The following GABRP variants were observed in gnomAD, a reference collection of about 807,000 sequenced individuals.
GABRP encodes the protein gamma-aminobutyric acid type A receptor subunit pi, also known as gamma-aminobutyric acid receptor subunit pi.
A neutral mutation model predicts 47.8 loss-of-function variants in GABRP; 52 were observed. That is an observed-to-expected ratio of 1.09 (90% CI 0.87 to 1.37). The LOEUF is 1.37. Among genes scored for constraint, GABRP ranks in the 40% most tolerant of loss-of-function variants. The pLI, the probability that GABRP is intolerant of heterozygous loss-of-function variation, is 0.00. For missense variants in GABRP, 525 were observed against 542.8 expected, an observed-to-expected ratio of 0.97 and a Z score of 0.33; for synonymous variants, 221 against 205.8, an observed-to-expected ratio of 1.07 and a Z score of -0.63.
intron 1 of GABRP, among the ~76,000 whole-genome samples, chr5:170,784,792 G>T (rs1016223769): frequency 6.6e-6 from 1 of 152,182 alleles, no homozygotes; most frequent in Non-Finnish European, 1.5e-5. Flanking sequence ...TAAATGACTC[G>T]GGTGTATCAG....
At chr5:170,795,483 G>A in intron 5 of GABRP, 58 bp downstream of exon 5, 1 of 1,389,430 alleles carries the variant, frequency 7.2e-7, no homozygotes, top group Non-Finnish European at 1.0e-6. Flanking sequence ...AAAACATGCA[G>A]ATGTGTCTTG....
rs192547178 is a variant in GABRP at position 170,807,007 on chromosome 5, G to A, written c.679+1154G>A. ...AGTGTCACCTAGGCTGGAGTGCAGT[G>A]GCGCAATCTCAGCTCACGGCAAAAT... On this transcript the variant is annotated intron_variant, in intron 7 of 9. Transcript: ENST00000265294. Among the ~76,000 whole-genome samples, 5 of 152,082 alleles carry A rather than the reference G, an allele frequency of 3.3e-5. 1 individual carries two copies. The East Asian group carries it at 9.7e-4, about 29-fold the overall frequency.
At chr5:170,798,585 A>G (rs1455676269) in intron 6 of GABRP, among the ~76,000 whole-genome samples, 2 of 152,026 alleles carry the variant, frequency 1.3e-5, no homozygotes, top group African/African-American at 2.4e-5. Flanking sequence ...GTGGTTCCAG[A>G]TGAGTTCTAT....
In GABRP at chr5:170,797,304, CTT is replaced by C. The variant is rs539670284; in HGVS notation, c.459-160_459-159del. Reference sequence around the variant, plus strand: ...TTTAACCAAGCCTCATGCACACATTCTTTAGCACCCAGAGCCTCAAGGATGCT... The same window carrying C: ...TTTAACCAAGCCTCATGCACACATTCTAGCACCCAGAGCCTCAAGGATGCT... On this transcript the variant is annotated intron_variant, in intron 5 of 9. Transcript: ENST00000265294. Among the ~76,000 whole-genome samples, 261 of 152,380 alleles carry C rather than the reference CTT, an allele frequency of 1.7e-3. 1 individual carries two copies. Among genetic ancestry groups the C allele is most frequent in the African/African-American group, 6.0e-3 (251 of 41,590 alleles).
chr5:170,788,721 G>A (rs896034550), intron 2 of GABRP, 53 bp downstream of exon 2: 8 of 1,560,472 alleles, frequency 5.1e-6, no homozygotes, highest in Non-Finnish European at 5.3e-6. Context: ...TTGCATTCGG[G>A]CATGTGGTGG....
intron 6 of GABRP, among the ~76,000 whole-genome samples, chr5:170,799,046 T>G (rs1023089904): frequency 2.6e-5 from 4 of 151,736 alleles, no homozygotes; most frequent in African/African-American, 7.3e-5. Context: ...TTTTTTGTCC[T>G]TGTGATAGTT....
upstream of GABRP, among the ~76,000 whole-genome samples, chr5:170,783,509 G>C (rs1765055208): frequency 1.3e-5 from 2 of 151,560 alleles, no homozygotes; most frequent in South Asian, 4.2e-4. Context: ...TTTTCTGGCA[G>C]AGGTCTGGGA....
intron 7 of GABRP, among the ~76,000 whole-genome samples, chr5:170,807,690 A>G (rs1765771801): frequency 6.6e-6 from 1 of 152,164 alleles, no homozygotes; most frequent in Admixed American, 6.5e-5. Context: ...GTAAAATAAT[A>G]AGTAATCTCT....
chr5:170,800,217 A>C (rs1012656965), intron 6 of GABRP, among the ~76,000 whole-genome samples: 1 of 152,214 alleles, frequency 6.6e-6, no homozygotes, highest in South Asian at 2.1e-4. Context: ...TCTTTGACAA[A>C]CCTGGCAAAA....
chr5:170,799,027 G>T, intron 6 of GABRP, among the ~76,000 whole-genome samples: 1 of 149,258 alleles, frequency 6.7e-6, no homozygotes, highest in East Asian at 2.0e-4. Flanking sequence ...GAGAACATGC[G>T]GTGTTTGGTT....
intron 6 of GABRP, among the ~76,000 whole-genome samples, chr5:170,799,974 A>G (rs1765544702): frequency 6.6e-6 from 1 of 152,232 alleles, no homozygotes. Flanking sequence ...CTTTCTTCAC[A>G]GAATTGGGAA....
chr5:170,783,751 C>T lies in GABRP; in HGVS notation c.-166C>T, dbSNP rs1029565552. Reference sequence around the variant, plus strand: ...CTCCATCTGAGGGTGGCTGCGTGTCCACATACGAGGGGACAGGGCTGAGGA... The same window carrying T: ...CTCCATCTGAGGGTGGCTGCGTGTCTACATACGAGGGGACAGGGCTGAGGA... On this transcript the variant is annotated 5_prime_UTR_variant, in exon 1 of 10. Transcript: ENST00000265294. 6.6e-6 allele frequency: 1 copy of T among 152,224 alleles called. No individual in the cohort carries two copies. The highest frequency in any genetic ancestry group is 6.5e-5 in the Admixed American group (1 of 15,284). 9.4% of individuals were successfully genotyped at this position (152,224 alleles called of 1,614,324 possible).
rs78320183 is a variant in GABRP at position 170,795,190 on chromosome 5, C to G, written c.241-18C>G. The stretch of plus-strand genomic sequence containing the variant: ...CCACTACCCCCATCCATTTCCATAC[C>G]CTGCCTCCCCCTCCCAGGACTACAC... On this transcript the variant is annotated intron_variant, in intron 4 of 9. Coordinates refer to ENST00000265294, the MANE Select transcript of GABRP (RefSeq NM_014211.3). 2.4e-5 allele frequency: 39 copies of G among 1,592,864 alleles called. No homozygotes were observed. The highest frequency in any genetic ancestry group is 3.3e-5 in the Non-Finnish European group (38 of 1,162,416).
At chr5:170,796,821 G>C (rs1765442230) in intron 5 of GABRP, among the ~76,000 whole-genome samples, 1 of 152,146 alleles carries the variant, frequency 6.6e-6, no homozygotes, top group Non-Finnish European at 1.5e-5. Flanking sequence ...TAATAAATAA[G>C]GATGCTGAAT....
chr5:170,795,505 C>G (rs1230087953), intron 5 of GABRP, 80 bp downstream of exon 5: 1 of 1,171,648 alleles, frequency 8.5e-7, no homozygotes, highest in East Asian at 2.4e-5. Context: ...GTAGTTGTGA[C>G]CAGAACTCAA....
chr5:170,804,598 T>C (rs1266705540), intron 6 of GABRP, among the ~76,000 whole-genome samples: 1 of 152,180 alleles, frequency 6.6e-6, no homozygotes, highest in Non-Finnish European at 1.5e-5. Context: ...ATTTCCCTAA[T>C]GACTAGTGAT....
At chr5:170,788,364 TA>T (rs11306016) in intron 1 of GABRP, 22,137 of 334,468 alleles carry the variant, frequency 0.066, 568 homozygotes, top group East Asian at 0.19. Context: ...AATAAAAAAT[TA>T]AAAAAAAAAA....
intron 6 of GABRP, among the ~76,000 whole-genome samples, chr5:170,804,723 A>G (rs1765683456): frequency 6.6e-6 from 1 of 152,058 alleles, no homozygotes; most frequent in Non-Finnish European, 1.5e-5. Context: ...ATTGCTTATT[A>G]AATGATAGGT....
rs1458619144 is a variant in GABRP, at chr5:170,812,204, T to C, written c.1269T>C (p.Pro423=). ...NVDHYSKLLF[P]LIFMLANVFY... Reference sequence around the variant, plus strand: ...ATCACTATTCCAAACTACTGTTTCCTTTGATTTTTATGCTAGCCAATGTAT... The same window carrying C: ...ATCACTATTCCAAACTACTGTTTCCCTTGATTTTTATGCTAGCCAATGTAT... Residue 423 remains proline (P), a synonymous_variant, in exon 10 of 10, where the codon CCT becomes CCC. Coordinates refer to ENST00000265294, the MANE Select transcript of GABRP (RefSeq NM_014211.3). 6.2e-7 allele frequency: 1 copy of C among 1,613,970 alleles called. No homozygotes were observed. The highest frequency in any genetic ancestry group is 8.5e-7 in the Non-Finnish European group (1 of 1,179,848).
Sources: gnomAD v4.1 joint callset for allele counts (sites outside exome capture counted in the v4.1 genomes callset) on GRCh38, gnomAD v4.1.1 for gene constraint, MANE v1.5 for transcripts, NCBI Gene and HGNC (gene_info 2026-07-23, HGNC 2026-07-21) for gene names.